MMUT: variants seen among roughly 807,000 people sequenced by gnomAD.
MMUT encodes the protein methylmalonyl-CoA mutase, also known as methylmalonyl-CoA mutase, mitochondrial.
A neutral mutation model predicts 79.9 loss-of-function variants in MMUT; 79 were observed. The observed-to-expected ratio is 0.99, with a 90% CI of 0.82 to 1.19. The LOEUF (loss-of-function observed/expected upper bound fraction) is 1.19. MMUT is among the 50% of genes most tolerant of loss of function. The pLI is 0.00. For missense variants in MMUT, 860 were observed against 917.2 expected (o/e 0.94, Z 0.81); for synonymous variants, 273 against 295.7 (o/e 0.92, Z 0.79).
At chr6:49,441,775 T>A in intron 10 of MMUT, 65 bp downstream of exon 10, 1 of 1,525,006 alleles carries the variant, frequency 6.6e-7, no homozygotes. Flanking sequence ...AAGCTCCCAG[T>A]AGATTCAAGG....
At chr6:49,450,808 A>C (rs1767533259) in intron 6 of MMUT, among the ~76,000 whole-genome samples, 1 of 152,244 alleles carries the variant, frequency 6.6e-6, no homozygotes, top group African/African-American at 2.4e-5. Flanking sequence ...TTCAGAATTA[A>C]ACAGAGGAGA....
chr6:49,434,442 GA>G (rs914303259), intron 12 of MMUT, among the ~76,000 whole-genome samples: 1 of 150,218 alleles, frequency 6.7e-6, no homozygotes, highest in Admixed American at 6.6e-5. Context: ...ATTAATGGAG[GA>G]AAAAAAAACT....
intron 8 of MMUT, among the ~76,000 whole-genome samples, chr6:49,446,531 A>C (rs1189687972): frequency 1.3e-5 from 2 of 151,858 alleles, no homozygotes; most frequent in Non-Finnish European, 2.9e-5. Flanking sequence ...TTATACTATA[A>C]ACTTGAGCAA....
chr6:49,435,367 A>G, intron 12 of MMUT, 89 bp downstream of exon 12: 1 of 1,316,496 alleles, frequency 7.6e-7, no homozygotes, highest in Non-Finnish European at 1.1e-6. Flanking sequence ...TATGTTCCTA[A>G]ATCTACAAGT....
At chr6:49,453,476 A>T in intron 5 of MMUT, 109 bp downstream of exon 5, 1 of 468,982 alleles carries the variant, frequency 2.1e-6, no homozygotes, top group Admixed American at 3.8e-5. Context: ...ATCATTTCAA[A>T]TATTAACAGA....
intron 3 of MMUT, 22 bp downstream of exon 3, chr6:49,457,669 C>T: frequency 6.3e-7 from 1 of 1,596,048 alleles, no homozygotes; most frequent in African/African-American, 1.3e-5. Context: ...ATAGAAAAAC[C>T]TATAATAACC....
intron 12 of MMUT, among the ~76,000 whole-genome samples, chr6:49,434,418 TC>T (rs1196376137): frequency 6.6e-6 from 1 of 152,152 alleles, no homozygotes; most frequent in Non-Finnish European, 1.5e-5. Flanking sequence ...AATGTACTAT[TC>T]TATATTCTGA....
At position 49,431,582 on chromosome 6, in the gene MMUT, G is replaced by A; in HGVS notation, c.*146C>T. 1.3e-6 allele frequency: 1 copy of A among 774,324 alleles called. No individual in the cohort carries two copies. The highest frequency in any genetic ancestry group is 2.1e-6 in the Non-Finnish European group (1 of 476,568). 48.0% of individuals were successfully genotyped at this position (774,324 alleles called of 1,614,324 possible). On this transcript the variant is annotated 3_prime_UTR_variant, in exon 13 of 13. Transcript: ENST00000274813. ...TGTACATACTTATAGCATGACACCA[G>A]GCCTATAAGTAAGGTATTTTAAAGT... is the stretch of plus-strand genomic sequence containing the variant.
intron 4 of MMUT, among the ~76,000 whole-genome samples, chr6:49,455,861 G>A (rs1767672347): frequency 6.6e-6 from 1 of 152,126 alleles, no homozygotes; most frequent in African/African-American, 2.4e-5. Flanking sequence ...CTAAATAGCT[G>A]GAGACAAGAT....
In MMUT at chr6:49,457,948, T is replaced by C. The variant is rs1300678615; in HGVS notation, c.496A>G (p.Thr166Ala). 6.2e-7 allele frequency: 1 copy of C among 1,612,106 alleles called. No individual in the cohort carries two copies. The highest frequency in any genetic ancestry group is 2.2e-5 in the East Asian group (1 of 44,878). Residue 166 changes from threonine to alanine, a missense_variant, in exon 3 of 13, where the codon ACT becomes GCT. By Grantham distance (58) the Thr-to-Ala change is moderately conservative (BLOSUM62 0). Coordinates refer to ENST00000274813, the MANE Select transcript of MMUT (RefSeq NM_000255.4). ...AAAAGAATTTTGGTATCTTCCACAG[T>C]GTCAATAGCAACTCCAGCCATTCCA... is the stretch of plus-strand genomic sequence containing the variant. ...DVGMAGVAIDTVEDTKILFDG... is the reference protein window; with the variant it reads ...DVGMAGVAIDAVEDTKILFDG...
In MMUT at chr6:49,451,642, G is replaced by T. The variant is rs1554159937; in HGVS notation, c.1156C>A (p.His386Asn). ...AAAGCTTCATCAAAAGAATTTGTGT[G>T]CAAAGACTGAGTCCCTCCAAATACT... Reference protein sequence around the residue: ...AAVFGGTQSLHTNSFDEALGL... With the variant: ...AAVFGGTQSLNTNSFDEALGL... The change falls in exon 6 of 13, where the codon CAC becomes AAC. Residue 386 changes from histidine (H) to asparagine (N), a missense_variant. Physicochemically the swap from His to Asn is moderately conservative, Grantham distance 68 (BLOSUM62 1). Coordinates refer to ENST00000274813, the MANE Select transcript of MMUT (RefSeq NM_000255.4). The T allele has an allele frequency of 6.2e-7, 1 of 1,614,084 alleles. No individual in the cohort carries two copies. Among genetic ancestry groups the T allele is most frequent in the Non-Finnish European group, 8.5e-7 (1 of 1,179,966 alleles).
intron 4 of MMUT, among the ~76,000 whole-genome samples, chr6:49,455,844 G>A (rs1280444429): frequency 6.6e-6 from 1 of 152,152 alleles, no homozygotes; most frequent in African/African-American, 2.4e-5. Flanking sequence ...GAACTTAATT[G>A]TGTTCTCTAA....
Position 49,457,983 on chromosome 6 carries a change from C to A in MMUT, c.461G>T (p.Arg154Leu). The A allele has an allele frequency of 6.2e-7, 1 of 1,607,934 alleles. No homozygotes were observed. The highest frequency in any genetic ancestry group is 8.5e-7 in the Non-Finnish European group (1 of 1,179,920). The change falls in exon 3 of 13, where the codon CGT becomes CTT. Residue 154 changes from arginine to leucine, a missense_variant. Transcript: ENST00000274813. ...AACTCCAGCCATTCCAACATCACCA[C>A]GAACTCGAGGGTTGTCTGAATCATA... ...RGYDSDNPRV[R>L]GDVGMAGVAI...
At chr6:49,460,271 A>G (rs1306059226) in intron 1 of MMUT, among the ~76,000 whole-genome samples, 1 of 152,210 alleles carries the variant, frequency 6.6e-6, no homozygotes, top group Non-Finnish European at 1.5e-5. Flanking sequence ...AGAGGTAGGT[A>G]CTATTATTAT....
chr6:49,458,115 G>C, intron 2 of MMUT, 57 bp from the exon 3 acceptor site: 3 of 1,547,300 alleles, frequency 1.9e-6, no homozygotes, highest in Non-Finnish European at 8.8e-7. Flanking sequence ...AAGGTAAAAT[G>C]ATTTACTTTT....
rs757478500 is a variant in MMUT, at chr6:49,435,509, A to C, written c.2071T>G (p.Ser691Ala). ...LVPELIKELN[S>A]LGRPDILVMC... Reference sequence around the variant, plus strand: ...ACAAGAATATCTGGCCGTCCAAGGGAGTTAAGTTCTTTGATGAGTTCAGGA... The same window carrying C: ...ACAAGAATATCTGGCCGTCCAAGGGCGTTAAGTTCTTTGATGAGTTCAGGA... Residue 691 changes from serine (S) to alanine (A), a missense_variant, in exon 12 of 13, where the codon TCC becomes GCC. By Grantham distance (99) the Ser-to-Ala change is moderately conservative. Coordinates refer to ENST00000274813, the MANE Select transcript of MMUT (RefSeq NM_000255.4). 1.2e-6 allele frequency: 2 copies of C among 1,614,022 alleles called. No individual in the cohort carries two copies. Among genetic ancestry groups the C allele is most frequent in the African/African-American group, 1.3e-5 (1 of 74,924 alleles).
chr6:49,456,060 T>C lies in MMUT; in HGVS notation c.911+20A>G, dbSNP rs535909469. The C allele has an allele frequency of 1.8e-5, 28 of 1,597,404 alleles. No individual in the cohort carries two copies. The highest frequency in any genetic ancestry group is 2.3e-5 in the Non-Finnish European group (27 of 1,165,164). ...TGCATTTCTTAATGTTGAAACAATA[T>C]CTAGGTTTAATTTACTCACCTTGGT... is the stretch of plus-strand genomic sequence containing the variant. On this transcript the variant is annotated intron_variant, in intron 4 of 12. Transcript: ENST00000274813.
intron 4 of MMUT, 150 bp downstream of exon 4, chr6:49,455,930 T>G (rs1410985196): frequency 1.5e-6 from 1 of 667,242 alleles, no homozygotes; most frequent in East Asian, 2.9e-5. Flanking sequence ...ATTAGAAATA[T>G]TGGCTTTTTC....
chr6:49,441,891 G>A lies in MMUT; in HGVS notation c.1757C>T (p.Ala586Val). 1 of 1,612,190 alleles carries A rather than the reference G, an allele frequency of 6.2e-7. No homozygotes were observed. The highest frequency in any genetic ancestry group is 1.1e-5 in the South Asian group (1 of 91,048). ...HKANDRMVSGAYRQEFGESKE... is the reference protein window; with the variant it reads ...HKANDRMVSGVYRQEFGESKE... The stretch of plus-strand genomic sequence containing the variant: ...ACTTTCTCCAAATTCCTGGCGATAT[G>A]CTCCACTCACCATTCGATCATTCGC... The change falls in exon 10 of 13, where the codon GCA (alanine) becomes GTA (valine). Residue 586 changes from alanine (A) to valine (V), a missense_variant. Physicochemically the swap from Ala to Val is moderately conservative, Grantham distance 64. Transcript: ENST00000274813.
Sources: gnomAD v4.1 joint callset for allele counts (sites outside exome capture counted in the v4.1 genomes callset) on GRCh38, gnomAD v4.1.1 for gene constraint, MANE v1.5 for transcripts, NCBI Gene and HGNC (gene_info 2026-07-23, HGNC 2026-07-21) for gene names.